CCNY: variants seen among roughly 807,000 people sequenced by gnomAD.
CCNY encodes cyclin Y.
CCNY carries 19 observed loss-of-function variants against 42.8 expected under a neutral mutation model. The ratio of observed to expected loss-of-function variants is 0.44; its 90% CI spans 0.31 to 0.65. The LOEUF (loss-of-function observed/expected upper bound fraction) is 0.65. CCNY is among the 30% of genes least tolerant of loss of function. The probability of loss-of-function intolerance (pLI) is 0.07; values close to 1 mark genes in which losing one functional copy is unlikely to be tolerated. For missense variants in CCNY, 370 were observed against 437.3 expected, an observed-to-expected ratio of 0.85 and a Z score of 1.37; for synonymous variants, 165 against 162.7, an observed-to-expected ratio of 1.01 and a Z score of -0.11.
chr10:35,325,342 C>T (rs1334464187), intron 3 of CCNY, among the ~76,000 whole-genome samples: 1 of 152,070 alleles, frequency 6.6e-6, no homozygotes, highest in Non-Finnish European at 1.5e-5. Flanking sequence ...TCACACCTGG[C>T]TAATTTTTTT....
At chr10:35,311,948 T>C (rs550569725) in intron 3 of CCNY, among the ~76,000 whole-genome samples, 5 of 152,318 alleles carry the variant, frequency 3.3e-5, no homozygotes, top group South Asian at 4.1e-4. Flanking sequence ...ATTATGCCAC[T>C]GCACTCCAGC....
Position 35,381,480 on chromosome 10 carries a change from T to C in CCNY, c.154+44273T>C, listed in dbSNP as rs190138272. ...AGGGGGTGGGCTGGGACAGGAGAAT[T>C]GCTTGAACCCGGGAGGTGGAGGTTG... is the stretch of plus-strand genomic sequence containing the variant. On this transcript the variant is annotated intron_variant, in intron 1 of 9. Coordinates refer to ENST00000374704, the MANE Select transcript of CCNY (RefSeq NM_145012.6). Among the ~76,000 whole-genome samples, 219 of 151,566 alleles carry C rather than the reference T, an allele frequency of 1.4e-3. 2 individuals are homozygous for C. Among genetic ancestry groups the C allele is most frequent in the Non-Finnish European group, 2.4e-3 (163 of 67,894 alleles).
chr10:35,275,358 G>A (rs539249956), intron 3 of CCNY, among the ~76,000 whole-genome samples: 7 of 151,818 alleles, frequency 4.6e-5, no homozygotes, highest in South Asian at 2.1e-4. Context: ...GAGCCACTGC[G>A]CCCAGTCGAT....
At chr10:35,486,939 G>A (rs1447350680) in intron 2 of CCNY, among the ~76,000 whole-genome samples, 1 of 152,176 alleles carries the variant, frequency 6.6e-6, no homozygotes. Flanking sequence ...AGCTCCCATA[G>A]GAGTAGCCTG....
intron 1 of CCNY, among the ~76,000 whole-genome samples, chr10:35,451,634 C>CT (rs1034945430): frequency 2.0e-5 from 3 of 152,198 alleles, no homozygotes; most frequent in African/African-American, 7.2e-5. Context: ...CTCAACAATA[C>CT]AGTGTTACCA....
Position 35,541,776 on chromosome 10 carries a change from G to A in CCNY, c.580-11243G>A, listed in dbSNP as rs187142706. The stretch of plus-strand genomic sequence containing the variant: ...ACCCAGCATCCCTTTTCTTCTTTAG[G>A]ATCCCATCCAAGACACCATCTTGTA... On this transcript the variant is annotated intron_variant, in intron 7 of 9. Coordinates refer to ENST00000374704, the MANE Select transcript of CCNY (RefSeq NM_145012.6). Among the ~76,000 whole-genome samples, 5 of 149,762 alleles carry A rather than the reference G, an allele frequency of 3.3e-5. No homozygotes were observed. The East Asian group carries it at 7.9e-4, about 24-fold the overall frequency.
chr10:35,483,262 G>A, intron 1 of CCNY, 142 bp from the exon 2 acceptor site: 1 of 627,158 alleles, frequency 1.6e-6, no homozygotes, highest in South Asian at 1.9e-5. Context: ...TGAACCAAAA[G>A]AATCTATTAA....
intron 1 of CCNY, among the ~76,000 whole-genome samples, chr10:35,463,383 A>G (rs1160852158): frequency 6.6e-6 from 1 of 152,240 alleles, no homozygotes; most frequent in African/African-American, 2.4e-5. Flanking sequence ...CCTCAGTAAC[A>G]ATGGACGTAG....
chr10:35,412,202 G>A (rs1173428186), intron 1 of CCNY, among the ~76,000 whole-genome samples: 1 of 152,210 alleles, frequency 6.6e-6, no homozygotes, highest in African/African-American at 2.4e-5. Context: ...GGGGGCAGAG[G>A]GGGAAGTTGT....
At chr10:35,368,081 A>G (rs768945538) in intron 1 of CCNY, among the ~76,000 whole-genome samples, 11 of 152,238 alleles carry the variant, frequency 7.2e-5, no homozygotes, top group African/African-American at 1.7e-4. Context: ...ATTGATTACA[A>G]TTGAGGCTGT....
At chr10:35,374,600 T>G (rs1837009676) in intron 1 of CCNY, among the ~76,000 whole-genome samples, 1 of 152,246 alleles carries the variant, frequency 6.6e-6, no homozygotes, top group African/African-American at 2.4e-5. Flanking sequence ...GGATATGGTT[T>G]CCTCATTGAG....
At chr10:35,367,090 C>T (rs922480346) in intron 1 of CCNY, among the ~76,000 whole-genome samples, 1 of 152,126 alleles carries the variant, frequency 6.6e-6, no homozygotes, top group Non-Finnish European at 1.5e-5. Flanking sequence ...CATGCTGATT[C>T]CTTGCTTTTG....
intron 8 of CCNY, among the ~76,000 whole-genome samples, chr10:35,555,044 A>T (rs1473294345): frequency 6.6e-6 from 1 of 152,222 alleles, no homozygotes; most frequent in Non-Finnish European, 1.5e-5. Context: ...ATGTTTATAA[A>T]ATATTTGTCA....
intron 3 of CCNY, among the ~76,000 whole-genome samples, chr10:35,270,936 G>C (rs958223330): frequency 6.6e-6 from 1 of 151,568 alleles, no homozygotes; most frequent in Non-Finnish European, 1.5e-5. Flanking sequence ...CGTGTTAGCC[G>C]GGATGGTCTC....
At chr10:35,435,444 G>A (rs1414937762) in intron 1 of CCNY, among the ~76,000 whole-genome samples, 1 of 152,222 alleles carries the variant, frequency 6.6e-6, no homozygotes, top group African/African-American at 2.4e-5. Flanking sequence ...GTGGCCTAGT[G>A]GGTCATATCG....
chr10:35,304,058 G>C (rs1835572016), intron 3 of CCNY, among the ~76,000 whole-genome samples: 1 of 152,094 alleles, frequency 6.6e-6, no homozygotes, highest in Admixed American at 6.6e-5. Context: ...ACATGCTCCA[G>C]TTTCTCCGTC....
chr10:35,346,956 ATTGTT>A (rs1000991107), intron 1 of CCNY, among the ~76,000 whole-genome samples: 3 of 152,058 alleles, frequency 2.0e-5, no homozygotes, highest in Non-Finnish European at 4.4e-5. Flanking sequence ...CTTTTTTGTT[ATTGTT>A]TTGTTTTGTT....
intron 1 of CCNY, among the ~76,000 whole-genome samples, chr10:35,400,094 T>C (rs775154130): frequency 2.0e-5 from 3 of 151,956 alleles, no homozygotes; most frequent in Non-Finnish European, 4.4e-5. Context: ...AGATCTCCCT[T>C]GCCTGATTTT....
At chr10:35,525,361 A>G (rs570618240) in intron 4 of CCNY, among the ~76,000 whole-genome samples, 2 of 152,204 alleles carry the variant, frequency 1.3e-5, no homozygotes, top group Non-Finnish European at 2.9e-5. Flanking sequence ...ATTGTTTTAG[A>G]AAAGAAAAAG....
Sources: gnomAD v4.1 joint callset for allele counts (sites outside exome capture counted in the v4.1 genomes callset) on GRCh38, gnomAD v4.1.1 for gene constraint, MANE v1.5 for transcripts, NCBI Gene and HGNC (gene_info 2026-07-23, HGNC 2026-07-21) for gene names.